Variants in OR5T2 observed in about 807,000 individuals in gnomAD.
OR5T2 encodes olfactory receptor 5T2.
In OR5T2, 12 loss-of-function variants were observed where a neutral mutation model predicts 13.7. The observed-to-expected ratio is 0.88, with a 90% CI of 0.56 to 1.42. OR5T2 has a LOEUF of 1.42. Among genes scored for constraint, OR5T2 ranks in the 40% most tolerant of loss-of-function variants. The pLI is 0.00. For synonymous variants in OR5T2, 146 were observed against 139.5 expected (o/e 1.05, Z -0.33); for missense variants, 475 against 372.0 (o/e 1.28, Z -2.28).
chr11:56,233,063 G>A lies in OR5T2; in HGVS notation c.-1C>T. The A allele has an allele frequency of 6.2e-7, 1 of 1,606,684 alleles. No homozygotes were observed. On this transcript the variant is annotated 5_prime_UTR_variant, in exon 2 of 2. Transcript: ENST00000641661. The stretch of plus-strand genomic sequence containing the variant: ...AGGTAACTTCAGTGACATTCTTCAT[G>A]TTGAAATCTAGAACAAACTTGAAGA...
In OR5T2 at chr11:56,232,007, T is replaced by G. The variant is rs1477050699; in HGVS notation, c.*99A>C. The G allele has an allele frequency of 1.2e-5, 12 of 978,000 alleles. No individual in the cohort carries two copies. The highest frequency in any genetic ancestry group is 1.6e-5 in the Non-Finnish European group (11 of 693,650). 60.6% of individuals were successfully genotyped at this position (978,000 alleles called of 1,614,324 possible). Reference sequence around the variant, plus strand: ...ACTGTAACAAAGGCTATGGGAATTATGAGCCAGGAACCCTGGATGGAAACC... The same window carrying G: ...ACTGTAACAAAGGCTATGGGAATTAGGAGCCAGGAACCCTGGATGGAAACC... On this transcript the variant is annotated 3_prime_UTR_variant, in exon 2 of 2. Coordinates refer to ENST00000641661, the MANE Select transcript of OR5T2 (RefSeq NM_001004746.4).
In OR5T2 at chr11:56,233,107, T is replaced by G; in HGVS notation, c.-45A>C. Reference sequence around the variant, plus strand: ...TTGAAGATATGCATAAAGTTACAGTTCATATTATGACAAAAAGAATGAACA... The same window carrying G: ...TTGAAGATATGCATAAAGTTACAGTGCATATTATGACAAAAAGAATGAACA... On this transcript the variant is annotated 5_prime_UTR_variant, in exon 2 of 2. It removes the in-frame stop codon of an upstream open reading frame in the 5' UTR. Transcript: ENST00000641661. 15 of 1,601,724 alleles carry G rather than the reference T, an allele frequency of 9.4e-6. No individual in the cohort carries two copies. The highest frequency in any genetic ancestry group is 1.3e-5 in the Non-Finnish European group (15 of 1,171,506).
At chr11:56,233,930 A>T (rs1337572386) in intron 1 of OR5T2, among the ~76,000 whole-genome samples, 2 of 151,904 alleles carry the variant, frequency 1.3e-5, no homozygotes, top group Admixed American at 6.6e-5. Context: ...ATTGGGTAAA[A>T]ATTAAGTTAA....
Position 56,232,168 on chromosome 11 carries a change from T to C in OR5T2, c.895A>G (p.Met299Val). 1.9e-6 allele frequency: 3 copies of C among 1,585,142 alleles called. No homozygotes were observed. The highest frequency in any genetic ancestry group is 2.6e-6 in the Non-Finnish European group (3 of 1,170,748). ...SLRNKDVKDS[M>V]KKMFGKNQVI... ...TGATTTTTCCCAAACATTTTTTTCA[T>C]TGAGTCTTTTACATCTTTGTTCCTC... Residue 299 changes from methionine to valine, a missense_variant, in exon 2 of 2, where the codon ATG becomes GTG. Coordinates refer to ENST00000641661, the MANE Select transcript of OR5T2 (RefSeq NM_001004746.4).
chr11:56,232,119 T>C lies in OR5T2; in HGVS notation c.944A>G (p.His315Arg), dbSNP rs777872853. 6.5e-7 allele frequency: 1 copy of C among 1,542,176 alleles called. No homozygotes were observed. Among genetic ancestry groups the C allele is most frequent in the Non-Finnish European group, 8.7e-7 (1 of 1,145,656 alleles). ...KNQVINKVYF[H>R]TKK The stretch of plus-strand genomic sequence containing the variant: ...ACCTTTTATAATTTATTTTTTAGTA[T>C]GAAAATATACTTTATTGATAACCTG... The change falls in exon 2 of 2, where the codon CAT becomes CGT. Residue 315 changes from histidine (H) to arginine (R), a missense_variant. By Grantham distance (29) the His-to-Arg change is conservative. Transcript: ENST00000641661.
chr11:56,232,596 A>G lies in OR5T2; in HGVS notation c.467T>C (p.Ile156Thr), dbSNP rs751166185. Residue 156 changes from isoleucine (I) to threonine (T), a missense_variant, in exon 2 of 2, where the codon ATA (isoleucine) becomes ACA (threonine). Ile to Thr is a moderately conservative substitution (Grantham distance 89). Transcript: ENST00000641661. ...SYVAGILHAT[I>T]HTVATFSLSF... ...TAGGCTAAATGTAGCCACTGTATGT[A>G]TAGTAGCATGTAAAATGCCAGCAAC... 8 of 1,614,152 alleles carry G rather than the reference A, an allele frequency of 5.0e-6. No individual in the cohort carries two copies. The highest frequency in any genetic ancestry group is 6.8e-6 in the Non-Finnish European group (8 of 1,179,998).
Position 56,232,911 on chromosome 11 carries a change from G to A in OR5T2, c.152C>T (p.Ser51Phe). Residue 51 changes from serine to phenylalanine, a missense_variant, in exon 2 of 2, where the codon TCC becomes TTC. Coordinates refer to ENST00000641661, the MANE Select transcript of OR5T2 (RefSeq NM_001004746.4). ...LGLILVVIRD[S>F]QLHKPMYYFL... ...ATAGTACATGGGTTTGTGGAGCTGG[G>A]AATCCCTAATGACCACTAAAATCAG... 1 of 1,612,106 alleles carries A rather than the reference G, an allele frequency of 6.2e-7. No individual in the cohort carries two copies. Among genetic ancestry groups the A allele is most frequent in the Non-Finnish European group, 8.5e-7 (1 of 1,179,108 alleles).
rs920965397 is a variant in OR5T2 at position 56,231,855 on chromosome 11, G to A, written c.*251C>T. On this transcript the variant is annotated 3_prime_UTR_variant, in exon 2 of 2. Transcript: ENST00000641661. The stretch of plus-strand genomic sequence containing the variant: ...AAGGTATAGGGTGGGACTCTCTCAT[G>A]GGAGAGTCTTAAGATTCACAATCAG... 1 of 331,424 alleles carries A rather than the reference G, an allele frequency of 3.0e-6. No individual in the cohort carries two copies. The highest frequency in any genetic ancestry group is 5.4e-6 in the Non-Finnish European group (1 of 185,290). The allele number at this position is 331,424 out of a possible 1,614,324, so 20.5% of individuals were successfully genotyped here.
At position 56,232,391 on chromosome 11, in the gene OR5T2, C is replaced by G; in HGVS notation, c.672G>C (p.Leu224=). The G allele has an allele frequency of 6.2e-7, 1 of 1,610,678 alleles. No homozygotes were observed. The highest frequency in any genetic ancestry group is 8.5e-7 in the Non-Finnish European group (1 of 1,178,128). ...TCCTCCCTTCAGCAGAATACATCTTCAGAATGGCCAACAGAATCAAACCAT... is the reference window on the plus strand; with the variant it reads ...TCCTCCCTTCAGCAGAATACATCTTGAGAATGGCCAACAGAATCAAACCAT... The part of the protein sequence containing the change: ...ISYGLILLAI[L]KMYSAEGRRK... Residue 224 remains leucine (L), a synonymous_variant, in exon 2 of 2, where the codon CTG becomes CTC. Transcript: ENST00000641661.
chr11:56,233,371 T>A (rs556120099), intron 1 of OR5T2, 107 bp from the exon 2 acceptor site: 1 of 420,478 alleles, frequency 2.4e-6, no homozygotes, highest in South Asian at 9.7e-5. Context: ...TGTATTAAGC[T>A]GTTTATATAT....
rs375456660 is a variant in OR5T2, at chr11:56,232,629, G to A, written c.434C>T (p.Ala145Val). Residue 145 changes from alanine (A) to valine (V), a missense_variant, in exon 2 of 2, where the codon GCT (alanine) becomes GTT (valine). By Grantham distance (64) the Ala-to-Val change is moderately conservative. Coordinates refer to ENST00000641661, the MANE Select transcript of OR5T2 (RefSeq NM_001004746.4). ...ATGTAAAATGCCAGCAACATAGGAA[G>A]CATTGATGAGTGGCATGTAGACTCT... ...SPRVYMPLIN[A>V]SYVAGILHAT... The A allele has an allele frequency of 1.2e-4, 199 of 1,614,142 alleles. No individual in the cohort carries two copies. Among genetic ancestry groups the A allele is most frequent in the African/African-American group, 3.9e-4 (29 of 75,052 alleles).
At chr11:56,233,335 G>A (rs1853322303) in intron 1 of OR5T2, 71 bp from the exon 2 acceptor site, 1 of 545,174 alleles carries the variant, frequency 1.8e-6, no homozygotes, top group East Asian at 3.0e-5. Context: ...AAATCATCAG[G>A]TCTACTGGTT....
Position 56,232,768 on chromosome 11 carries a change from C to T in OR5T2, c.295G>A (p.Val99Met). The change falls in exon 2 of 2, where the codon GTG (valine) becomes ATG (methionine). Residue 99 changes from valine to methionine, a missense_variant. By Grantham distance (21) the Val-to-Met change is conservative. Coordinates refer to ENST00000641661, the MANE Select transcript of OR5T2 (RefSeq NM_001004746.4). ...GTTCCAAAACTACAAGCAAGAAACA[C>T]CTGTGCTACACATCCAAGGAATGAA... is the stretch of plus-strand genomic sequence containing the variant. Reference protein sequence around the residue: ...VISFLGCVAQVFLACSFGTTE... With the variant: ...VISFLGCVAQMFLACSFGTTE... The T allele has an allele frequency of 1.2e-6, 2 of 1,614,102 alleles. No homozygotes were observed. The highest frequency in any genetic ancestry group is 1.1e-5 in the South Asian group (1 of 91,084).
At position 56,232,705 on chromosome 11, in the gene OR5T2, G is replaced by T. The variant is rs145780242; in HGVS notation, c.358C>A (p.Arg120Ser). Residue 120 changes from arginine to serine, a missense_variant, in exon 2 of 2, where the codon CGC becomes AGC. By Grantham distance (110) the Arg-to-Ser change is moderately radical. Coordinates refer to ENST00000641661, the MANE Select transcript of OR5T2 (RefSeq NM_001004746.4). The stretch of plus-strand genomic sequence containing the variant: ...AGAGGGTTGTAGATGGCTACATAGC[G>T]ATCATAAGCCATTGCAGCCAAGAGA... ...CFLLAAMAYDRYVAIYNPLLY... is the reference protein window; with the variant it reads ...CFLLAAMAYDSYVAIYNPLLY... The T allele has an allele frequency of 7.9e-5, 128 of 1,614,024 alleles. No homozygotes were observed. The highest frequency in any genetic ancestry group is 9.3e-5 in the Non-Finnish European group (110 of 1,180,022).
rs757293255 is a variant in OR5T2, at chr11:56,232,207, C to T, written c.856G>A (p.Val286Ile). 6.6e-5 allele frequency: 107 copies of T among 1,611,846 alleles called. No individual in the cohort carries two copies. Among genetic ancestry groups the T allele is most frequent in the Admixed American group, 1.0e-4 (6 of 59,662 alleles). The change falls in exon 2 of 2, where the codon GTC (valine) becomes ATC (isoleucine). Residue 286 changes from valine (V) to isoleucine (I), a missense_variant. Transcript: ENST00000641661. Reference protein sequence around the residue: ...YTIVIPLLNPVIYSLRNKDVK... With the variant: ...YTIVIPLLNPIIYSLRNKDVK... ...TCTTTGTTCCTCAAACTGTAGATGA[C>T]GGGATTCAGCAAGGGAATCACAATG...
rs545549066 is a variant in OR5T2, at chr11:56,231,907, G to A, written c.*199C>T. 6 of 456,548 alleles carry A rather than the reference G, an allele frequency of 1.3e-5. No homozygotes were observed. The highest frequency in any genetic ancestry group is 2.3e-5 in the Non-Finnish European group (6 of 263,524). 28.3% of individuals were successfully genotyped at this position (456,548 alleles called of 1,614,324 possible). Reference sequence around the variant, plus strand: ...AAGGCAGACATTGGAACCCAGCCTTGGTGCAAGTGAAAGGAGGGCAGGAGA... The same window carrying A: ...AAGGCAGACATTGGAACCCAGCCTTAGTGCAAGTGAAAGGAGGGCAGGAGA... On this transcript the variant is annotated 3_prime_UTR_variant, in exon 2 of 2. Coordinates refer to ENST00000641661, the MANE Select transcript of OR5T2 (RefSeq NM_001004746.4).
chr11:56,233,013 T>C lies in OR5T2; in HGVS notation c.50A>G (p.Asp17Gly). 1 of 1,605,676 alleles carries C rather than the reference T, an allele frequency of 6.2e-7. No individual in the cohort carries two copies. Among genetic ancestry groups the C allele is most frequent in the Non-Finnish European group, 8.5e-7 (1 of 1,174,824 alleles). ...VTLFVLKGFT[D>G]NLELQTIFFF... ...GAAGATAGTCTGCAGTTCAAGATTGTCTGTGAAGCCCTTCAGTACAAATAA... is the reference window on the plus strand; with the variant it reads ...GAAGATAGTCTGCAGTTCAAGATTGCCTGTGAAGCCCTTCAGTACAAATAA... Residue 17 changes from aspartate (D) to glycine (G), a missense_variant, in exon 2 of 2, where the codon GAC (aspartate) becomes GGC (glycine). Transcript: ENST00000641661.
At position 56,232,885 on chromosome 11, in the gene OR5T2, A is replaced by G; in HGVS notation, c.178T>C (p.Phe60Leu). Residue 60 changes from phenylalanine (F) to leucine (L), a missense_variant, in exon 2 of 2, where the codon TTT (phenylalanine) becomes CTT (leucine). Physicochemically the swap from Phe to Leu is conservative, Grantham distance 22. Transcript: ENST00000641661. ...TCCACAGAAGACAACATACTCAGAAAATAGTACATGGGTTTGTGGAGCTGG... is the reference window on the plus strand; with the variant it reads ...TCCACAGAAGACAACATACTCAGAAGATAGTACATGGGTTTGTGGAGCTGG... ...DSQLHKPMYY[F>L]LSMLSSVDAC... 6.2e-7 allele frequency: 1 copy of G among 1,612,234 alleles called. No homozygotes were observed.
At position 56,233,022 on chromosome 11, in the gene OR5T2, C is replaced by A; in HGVS notation, c.41G>T (p.Gly14Val). 1 of 1,604,870 alleles carries A rather than the reference C, an allele frequency of 6.2e-7. No homozygotes were observed. Among genetic ancestry groups the A allele is most frequent in the Non-Finnish European group, 8.5e-7 (1 of 1,173,946 alleles). The change falls in exon 2 of 2, where the codon GGC becomes GTC. Residue 14 changes from glycine to valine, a missense_variant. Transcript: ENST00000641661. ...VTEVTLFVLKGFTDNLELQTI... is the reference protein window; with the variant it reads ...VTEVTLFVLKVFTDNLELQTI... ...CTGCAGTTCAAGATTGTCTGTGAAG[C>A]CCTTCAGTACAAATAAGGTAACTTC...
Sources: gnomAD v4.1 joint callset for allele counts (sites outside exome capture counted in the v4.1 genomes callset) on GRCh38, gnomAD v4.1.1 for gene constraint, MANE v1.5 for transcripts, NCBI Gene and HGNC (gene_info 2026-07-23, HGNC 2026-07-21) for gene names.